THRB: variants seen among roughly 807,000 people sequenced by gnomAD.
THRB encodes thyroid hormone receptor beta, also known as nuclear receptor subfamily 1 group A member 2.
A neutral mutation model predicts 47.8 loss-of-function variants in THRB; 12 were observed. The observed-to-expected ratio is 0.25, with a 90% CI of 0.16 to 0.41. The LOEUF is 0.41. Ranked by LOEUF, THRB falls within the 10% of genes least tolerant of loss-of-function variation. The pLI is 1.00. For missense variants in THRB, 348 were observed against 589.2 expected, an observed-to-expected ratio of 0.59 and a Z score of 4.24; for synonymous variants, 218 against 212.2, an observed-to-expected ratio of 1.03 and a Z score of -0.24.
chr3:24,238,300 G>GGGGTGTATGT (rs2049120193), intron 3 of THRB, among the ~76,000 whole-genome samples: 3 of 125,772 alleles, frequency 2.4e-5, no homozygotes, highest in Admixed American at 1.7e-4. Flanking sequence ...GGGTGTGTGG[G>GGGGTGTATGT]GTGTGTGTGT....
chr3:24,359,393 T>A (rs1047745575), intron 1 of THRB, among the ~76,000 whole-genome samples: 2 of 152,082 alleles, frequency 1.3e-5, no homozygotes, highest in Admixed American at 6.6e-5. Flanking sequence ...GGTGTTCCAG[T>A]GAACAGGGAG....
At chr3:24,297,436 C>T (rs1189867228) in intron 2 of THRB, 65 bp from the exon 3 acceptor site, 4 of 152,194 alleles carry the variant, frequency 2.6e-5, no homozygotes, top group African/African-American at 9.6e-5. Context: ...GTTGCTTTTA[C>T]AAAGCAGTTC....
At chr3:24,276,667 A>G (rs2053945092) in intron 3 of THRB, among the ~76,000 whole-genome samples, 1 of 152,196 alleles carries the variant, frequency 6.6e-6, no homozygotes. Flanking sequence ...GGTCCTGAGG[A>G]TGCAGTGATG....
intron 3 of THRB, among the ~76,000 whole-genome samples, chr3:24,247,837 G>A (rs758177495): frequency 2.0e-5 from 3 of 152,044 alleles, no homozygotes; most frequent in Non-Finnish European, 2.9e-5. Context: ...ATTTTTCTAT[G>A]AGCAAAAATC....
chr3:24,222,143 A>G (rs943166263), intron 4 of THRB, among the ~76,000 whole-genome samples: 1 of 152,248 alleles, frequency 6.6e-6, no homozygotes, highest in African/African-American at 2.4e-5. Flanking sequence ...ATTATGGCAG[A>G]AACTAGAGAA....
chr3:24,238,731 G>C (rs1337472595), intron 3 of THRB, among the ~76,000 whole-genome samples: 2 of 152,038 alleles, frequency 1.3e-5, no homozygotes, highest in East Asian at 3.9e-4. Context: ...TTTTAACCCT[G>C]GGATAAAAAG....
rs570105547 is a variant in THRB, at chr3:24,253,415, G to T, written c.-42-24414C>A. ...AACAAACACAGGAAAAAAAATCTCTGCCCTCACTGAGCTTTTGATCTAGAG... is the reference window on the plus strand; with the variant it reads ...AACAAACACAGGAAAAAAAATCTCTTCCCTCACTGAGCTTTTGATCTAGAG... On this transcript the variant is annotated intron_variant, in intron 3 of 10. Coordinates refer to ENST00000646209, the MANE Select transcript of THRB (RefSeq NM_001354712.2). Among the ~76,000 whole-genome samples the T allele has an allele frequency of 3.9e-5, 6 of 152,252 alleles. No homozygotes were observed. The South Asian group carries it at 1.2e-3, about 32-fold the overall frequency.
intron 5 of THRB, among the ~76,000 whole-genome samples, chr3:24,183,368 C>CTTTT (rs1193344905): frequency 4.7e-5 from 4 of 84,270 alleles, no homozygotes; most frequent in Non-Finnish European, 5.1e-5. Flanking sequence ...TTTTTCTTTT[C>CTTTT]TTTTTTTTTT....
At chr3:24,220,864 G>C (rs1479413604) in intron 4 of THRB, among the ~76,000 whole-genome samples, 1 of 151,642 alleles carries the variant, frequency 6.6e-6, no homozygotes, top group African/African-American at 2.4e-5. Context: ...CAGTTTCCCA[G>C]TCTTTGGGAA....
At chr3:24,399,876 A>C (rs1020582289) in intron 1 of THRB, among the ~76,000 whole-genome samples, 3 of 152,136 alleles carry the variant, frequency 2.0e-5, no homozygotes, top group African/African-American at 7.2e-5. Context: ...GTAAATAATC[A>C]GAAAATATTA....
At chr3:24,241,729 G>A (rs2049529963) in intron 3 of THRB, among the ~76,000 whole-genome samples, 1 of 152,130 alleles carries the variant, frequency 6.6e-6, no homozygotes, top group East Asian at 1.9e-4. Context: ...TTTTCTTAGA[G>A]CGGGGTTCTC....
chr3:24,431,445 A>G (rs1207241191), intron 1 of THRB, among the ~76,000 whole-genome samples: 1 of 152,078 alleles, frequency 6.6e-6, no homozygotes, highest in African/African-American at 2.4e-5. Flanking sequence ...AGATCACAGT[A>G]AGGTACATTT....
intron 6 of THRB, among the ~76,000 whole-genome samples, chr3:24,149,325 T>C (rs1055495355): frequency 3.3e-5 from 5 of 152,044 alleles, no homozygotes; most frequent in Admixed American, 1.3e-4. Context: ...CTTACTAGGA[T>C]AGGAAGATTG....
chr3:24,401,439 A>G (rs1177034229), intron 1 of THRB, among the ~76,000 whole-genome samples: 5 of 152,056 alleles, frequency 3.3e-5, no homozygotes, highest in African/African-American at 1.2e-4. Context: ...TTGTCAAAAC[A>G]TGGGAGGAAA....
At chr3:24,471,041 G>T (rs1479581138) in intron 1 of THRB, among the ~76,000 whole-genome samples, 1 of 152,148 alleles carries the variant, frequency 6.6e-6, no homozygotes, top group Non-Finnish European at 1.5e-5. Flanking sequence ...ATATTAACTG[G>T]TTGCCTGAAT....
At chr3:24,416,744 G>A (rs1424278112) in intron 1 of THRB, among the ~76,000 whole-genome samples, 1 of 151,814 alleles carries the variant, frequency 6.6e-6, no homozygotes, top group Non-Finnish European at 1.5e-5. Context: ...TTGGATCAGA[G>A]TCACTTTGGG....
chr3:24,162,769 T>G (rs1055346186), intron 5 of THRB, among the ~76,000 whole-genome samples: 1 of 152,020 alleles, frequency 6.6e-6, no homozygotes, highest in Admixed American at 6.6e-5. Flanking sequence ...AGATAACCAT[T>G]CTTAACATTG....
At chr3:24,438,213 A>G (rs1461989760) in intron 1 of THRB, among the ~76,000 whole-genome samples, 1 of 152,032 alleles carries the variant, frequency 6.6e-6, no homozygotes, top group African/African-American at 2.4e-5. Context: ...ACATTGATCT[A>G]GGCTCCCAAA....
At chr3:24,493,747 C>G (rs935604432) in intron 1 of THRB, among the ~76,000 whole-genome samples, 1 of 152,112 alleles carries the variant, frequency 6.6e-6, no homozygotes, top group Non-Finnish European at 1.5e-5. Context: ...GAAACTTGTA[C>G]ATTTAAAAAA....
Sources: gnomAD v4.1 joint callset for allele counts (sites outside exome capture counted in the v4.1 genomes callset) on GRCh38, gnomAD v4.1.1 for gene constraint, MANE v1.5 for transcripts, NCBI Gene and HGNC (gene_info 2026-07-23, HGNC 2026-07-21) for gene names.